NCAM2: variants seen among roughly 807,000 people sequenced by gnomAD.
The protein encoded by NCAM2 is neural cell adhesion molecule 2.
Under a neutral mutation model 98.1 loss-of-function variants are expected in NCAM2, and 30 were observed. The observed-to-expected ratio is 0.31, with a 90% CI of 0.23 to 0.41. The LOEUF (loss-of-function observed/expected upper bound fraction) is 0.41. Ranked by LOEUF, NCAM2 falls within the 10% of genes least tolerant of loss-of-function variation. The pLI is 1.00. For synonymous variants in NCAM2, 368 were observed against 342.4 expected (o/e 1.07, Z -0.83); for missense variants, 867 against 1,005.8 (o/e 0.86, Z 1.87).
intron 1 of NCAM2, chr21:21,223,745 C>G (rs993201623): frequency 6.6e-6 from 1 of 152,028 alleles, no homozygotes; most frequent in Non-Finnish European, 1.5e-5. Flanking sequence ...TTGAAGCACA[C>G]GACTGAAAGA....
chr21:21,475,149 C>T (rs1985000362), intron 14 of NCAM2, among the ~76,000 whole-genome samples: 1 of 151,872 alleles, frequency 6.6e-6, no homozygotes, highest in Non-Finnish European at 1.5e-5. Context: ...CACTGTGTTT[C>T]TTTTTGGATT....
At chr21:21,309,177 T>C (rs2073968717) in intron 5 of NCAM2, among the ~76,000 whole-genome samples, 1 of 152,196 alleles carries the variant, frequency 6.6e-6, no homozygotes, top group South Asian at 2.1e-4. Context: ...GCCAATTATA[T>C]TTTATCCTCA....
At chr21:21,307,413 G>T (rs1023807651) in intron 5 of NCAM2, among the ~76,000 whole-genome samples, 13 of 152,114 alleles carry the variant, frequency 8.5e-5, no homozygotes, top group African/African-American at 3.1e-4. Context: ...ACTCATAATA[G>T]TTTTCTATTT....
rs147507455 is a variant in NCAM2, at chr21:21,371,953, G to A, written c.1045-1910G>A. On this transcript the variant is annotated intron_variant, in intron 8 of 17. Coordinates refer to ENST00000400546, the MANE Select transcript of NCAM2 (RefSeq NM_004540.5). Reference sequence around the variant, plus strand: ...AGATGATCCATCAATCTCCCAAAAGGCCAAAGGATTTAATGACTCTAAAAG... The same window carrying A: ...AGATGATCCATCAATCTCCCAAAAGACCAAAGGATTTAATGACTCTAAAAG... Among the ~76,000 whole-genome samples the A allele has an allele frequency of 5.3e-5, 8 of 151,550 alleles. No homozygotes were observed. In the East Asian group the frequency reaches 1.2e-3, roughly 22 times the overall value.
At position 21,427,239 on chromosome 21, in the gene NCAM2, C is replaced by A. The variant is rs145723315; in HGVS notation, c.1481-4869C>A. On this transcript the variant is annotated intron_variant, in intron 11 of 17. Coordinates refer to ENST00000400546, the MANE Select transcript of NCAM2 (RefSeq NM_004540.5). ...GGGATTGAAAACAAAAAAAAGAGAT[C>A]TTTATAATTCACAGTAATAAGACTG... 4.8e-4 allele frequency among the ~76,000 whole-genome samples: 72 copies of A among 151,320 alleles called. 1 individual carries two copies. In the East Asian group the frequency reaches 0.013, roughly 27 times the overall value.
chr21:21,137,334 T>G lies in NCAM2; in HGVS notation c.55+138716T>G, dbSNP rs2067077933. Among the ~76,000 whole-genome samples the G allele has an allele frequency of 2.0e-5, 3 of 152,238 alleles. No individual in the cohort carries two copies. The South Asian group carries it at 6.2e-4, about 31-fold the overall frequency. ...TACAAATTAGAACTTTTCCAAGAAG[T>G]ATGTATTTACATATTGTGGCATTTC... On this transcript the variant is annotated intron_variant, in intron 1 of 17. Transcript: ENST00000400546.
rs772686411 is a variant in NCAM2, at chr21:21,534,600, C to A, written c.2346C>A (p.His782Gln). ...MRTEDERVTN[H>Q]EDGSPVNEPN... ...CAGAGGATGAAAGAGTTACTAATCA[C>A]GAAGATGGGAGCCCAGTAAATGAGC... The change falls in exon 17 of 18, where the codon CAC (histidine) becomes CAA (glutamine). Residue 782 changes from histidine (H) to glutamine (Q), a missense_variant. By Grantham distance (24) the His-to-Gln change is conservative. Around this residue, in one of 5 missense-constraint regions of NCAM2, gnomAD observed 125 missense variants for 116.1 expected, o/e 1.08. Coordinates refer to ENST00000400546, the MANE Select transcript of NCAM2 (RefSeq NM_004540.5). 3 of 1,610,038 alleles carry A rather than the reference C, an allele frequency of 1.9e-6. No individual in the cohort carries two copies. Among genetic ancestry groups the A allele is most frequent in the Admixed American group, 3.4e-5 (2 of 59,518 alleles).
At chr21:21,082,047 A>T (rs8132432) in intron 1 of NCAM2, among the ~76,000 whole-genome samples, 1 of 150,384 alleles carries the variant, frequency 6.6e-6, no homozygotes, top group African/African-American at 2.5e-5. Flanking sequence ...GACCAACAAG[A>T]TGAAACCCCA....
intron 1 of NCAM2, among the ~76,000 whole-genome samples, chr21:21,271,853 T>C (rs1040698899): frequency 6.6e-6 from 1 of 152,078 alleles, no homozygotes; most frequent in Admixed American, 6.6e-5. Context: ...ATGAGAACAC[T>C]TGGACACAGG....
intron 1 of NCAM2, among the ~76,000 whole-genome samples, chr21:21,136,161 G>C (rs1366844172): frequency 6.6e-6 from 1 of 152,096 alleles, no homozygotes; most frequent in Non-Finnish European, 1.5e-5. Flanking sequence ...CAACATTAGG[G>C]GTCACTCTGG....
At chr21:21,403,946 AAAT>A (rs1310532196) in intron 9 of NCAM2, among the ~76,000 whole-genome samples, 4 of 152,132 alleles carry the variant, frequency 2.6e-5, no homozygotes, top group Non-Finnish European at 4.4e-5. Flanking sequence ...ATTTAAATAA[AAAT>A]AAAGTCACTA....
chr21:21,236,151 G>T (rs780677478), intron 1 of NCAM2, among the ~76,000 whole-genome samples: 3 of 139,408 alleles, frequency 2.2e-5, no homozygotes, highest in Non-Finnish European at 4.9e-5. Flanking sequence ...AAACTTCCCT[G>T]ATTATCCAAG....
chr21:21,110,747 C>T (rs2146525533), intron 1 of NCAM2, among the ~76,000 whole-genome samples: 1 of 151,898 alleles, frequency 6.6e-6, no homozygotes, highest in Middle Eastern at 3.4e-3. Flanking sequence ...TAGACATTGT[C>T]CTTTATGAGA....
At chr21:21,306,068 A>T (rs1229214274) in intron 5 of NCAM2, among the ~76,000 whole-genome samples, 1 of 152,140 alleles carries the variant, frequency 6.6e-6, no homozygotes, top group East Asian at 1.9e-4. Flanking sequence ...TAGTTCTGTC[A>T]TGAATTTCTA....
chr21:21,192,250 C>T (rs927527350), intron 1 of NCAM2, among the ~76,000 whole-genome samples: 1 of 150,408 alleles, frequency 6.6e-6, no homozygotes, highest in African/African-American at 2.4e-5. Context: ...AACAAAAAAA[C>T]TAAAAAAAAA....
intron 12 of NCAM2, among the ~76,000 whole-genome samples, chr21:21,453,125 AATAT>A (rs1389377811): frequency 7.3e-6 from 1 of 137,002 alleles, no homozygotes; most frequent in East Asian, 2.0e-4. Flanking sequence ...ATAATAACAA[AATAT>A]ATATAGTTTA....
rs975901756 is a variant in NCAM2 at position 21,437,119 on chromosome 21, G to A, written c.1654+4838G>A. 3.9e-5 allele frequency among the ~76,000 whole-genome samples: 6 copies of A among 152,040 alleles called. No individual in the cohort carries two copies. In the East Asian group the frequency reaches 5.8e-4, roughly 15 times the overall value. On this transcript the variant is annotated intron_variant, in intron 12 of 17. Coordinates refer to ENST00000400546, the MANE Select transcript of NCAM2 (RefSeq NM_004540.5). ...AAACTAAGGTTCAAAGTGTTTATGA[G>A]AGATTAACACACTTTTGAAAAGAGT...
intron 4 of NCAM2, among the ~76,000 whole-genome samples, chr21:21,291,474 C>T (rs1043583237): frequency 1.3e-5 from 2 of 151,312 alleles, no homozygotes; most frequent in Admixed American, 1.3e-4. Flanking sequence ...TTTATATATG[C>T]ATGTGCACAC....
intron 8 of NCAM2, among the ~76,000 whole-genome samples, chr21:21,350,321 G>A (rs1349743660): frequency 6.6e-6 from 1 of 152,106 alleles, no homozygotes; most frequent in Non-Finnish European, 1.5e-5. Context: ...CATCTTCAAT[G>A]ATAATGGGTT....
Sources: allele counts gnomAD v4.1 joint callset (sites outside exome capture counted in the v4.1 genomes callset), GRCh38; gene constraint gnomAD v4.1.1; regional missense constraint gnomAD v4.1.1; transcripts MANE v1.5; gene names NCBI Gene and HGNC (gene_info 2026-07-23, HGNC 2026-07-21).